SPAG16: variants seen among roughly 807,000 people sequenced by gnomAD.
SPAG16 encodes the protein sperm associated antigen 16, also known as sperm-associated antigen 16 protein.
SPAG16 carries 86 observed loss-of-function variants against 80.4 expected under a neutral mutation model. The ratio of observed to expected loss-of-function variants is 1.07; its 90% CI spans 0.90 to 1.28. The LOEUF is 1.28. SPAG16 is among the 50% of genes most tolerant of loss of function. The probability of loss-of-function intolerance (pLI) is 0.00; values close to 1 mark genes in which losing one functional copy is unlikely to be tolerated. For synonymous variants in SPAG16, 294 were observed against 265.9 expected (o/e 1.11, Z -1.03); for missense variants, 870 against 765.3 (o/e 1.14, Z -1.61).
Position 214,406,304 on chromosome 2 carries a change from GAA to G in SPAG16, c.1721-3833_1721-3832del, listed in dbSNP as rs570972871. On this transcript the variant is annotated intron_variant, in intron 15 of 15. Transcript: ENST00000331683. ...CAATAAAAATTAATGAAAATTGATT[GAA>G]AAGTTTTAAAAATTGTAGCTAGAAA... Among the ~76,000 whole-genome samples, 410 of 152,228 alleles carry G rather than the reference GAA, an allele frequency of 2.7e-3. 2 individuals carry two copies. The highest frequency in any genetic ancestry group is 9.2e-3 in the African/African-American group (382 of 41,534).
intron 5 of SPAG16, among the ~76,000 whole-genome samples, chr2:213,320,107 T>G (rs2063553067): frequency 6.6e-6 from 1 of 152,012 alleles, no homozygotes; most frequent in African/African-American, 2.4e-5. Flanking sequence ...CATGGTGTGC[T>G]TTCACAGCAC....
At chr2:213,976,129 T>TAC (rs1266561700) in intron 12 of SPAG16, among the ~76,000 whole-genome samples, 8 of 104,670 alleles carry the variant, frequency 7.6e-5, no homozygotes, top group African/African-American at 3.1e-4. Context: ...TATATATATA[T>TAC]ATATATACAC....
intron 9 of SPAG16, among the ~76,000 whole-genome samples, chr2:213,465,238 C>T (rs988647989): frequency 1.3e-5 from 2 of 152,160 alleles, no homozygotes; most frequent in African/African-American, 4.8e-5. Context: ...TACTTAGAAT[C>T]AGTATAAATG....
chr2:213,695,215 C>G (rs910163252), intron 10 of SPAG16, among the ~76,000 whole-genome samples: 3 of 152,148 alleles, frequency 2.0e-5, no homozygotes, highest in African/African-American at 7.2e-5. Flanking sequence ...TCATTCTACT[C>G]AAGCTCCGAC....
At chr2:213,909,380 A>G (rs910505529) in intron 11 of SPAG16, among the ~76,000 whole-genome samples, 15 of 152,200 alleles carry the variant, frequency 9.9e-5, no homozygotes, top group African/African-American at 3.1e-4. Flanking sequence ...AAACTACTTT[A>G]AAGTTCATAT....
chr2:214,342,674 T>G (rs758873507), intron 15 of SPAG16, among the ~76,000 whole-genome samples: 7 of 152,140 alleles, frequency 4.6e-5, no homozygotes, highest in Non-Finnish European at 1.0e-4. Flanking sequence ...ATAAATGTAA[T>G]GTGCTTGAAT....
intron 15 of SPAG16, among the ~76,000 whole-genome samples, chr2:214,396,253 G>A (rs6435824): frequency 0.86 from 131,296 of 151,848 alleles, 56,839 homozygotes; most frequent in Middle Eastern, 0.89. Context: ...TTGGCTTTTT[G>A]TTGTTTATTT....
At chr2:214,075,300 A>C (rs531946202) in intron 13 of SPAG16, among the ~76,000 whole-genome samples, 3 of 152,182 alleles carry the variant, frequency 2.0e-5, no homozygotes, top group Non-Finnish European at 4.4e-5. Flanking sequence ...CATACCCAAA[A>C]GTCAAAGATG....
Position 214,410,352 on chromosome 2 carries a change from A to C in SPAG16, c.*37A>C, listed in dbSNP as rs757918128. ...TCCCGCTGCAGAGGGCATTCCCTTT[A>C]AGGCTTGAAAATGCCTCCTGTAGTC... On this transcript the variant is annotated 3_prime_UTR_variant, in exon 16 of 16. Coordinates refer to ENST00000331683, the MANE Select transcript of SPAG16 (RefSeq NM_024532.5). The C allele has an allele frequency of 1.6e-5, 25 of 1,546,302 alleles. No individual in the cohort carries two copies. Among genetic ancestry groups the C allele is most frequent in the Non-Finnish European group, 2.1e-5 (24 of 1,138,382 alleles).
At chr2:213,359,658 C>T (rs907058027) in intron 7 of SPAG16, among the ~76,000 whole-genome samples, 7 of 152,192 alleles carry the variant, frequency 4.6e-5, no homozygotes, top group African/African-American at 1.2e-4. Context: ...AGAAGTGCCT[C>T]GTTTTTCCAG....
Position 213,908,778 on chromosome 2 carries a change from T to A in SPAG16, c.1215-21182T>A, listed in dbSNP as rs190800357. Among the ~76,000 whole-genome samples the A allele has an allele frequency of 6.1e-3, 931 of 152,132 alleles. 16 individuals carry two copies. Among genetic ancestry groups the A allele is most frequent in the East Asian group, 0.044 (230 of 5,184 alleles). On this transcript the variant is annotated intron_variant, in intron 11 of 15. Coordinates refer to ENST00000331683, the MANE Select transcript of SPAG16 (RefSeq NM_024532.5). Reference sequence around the variant, plus strand: ...TTTTTGTCTTTTTTTTTCCTTTTTTTAATTATTATTATACTTTAAGTTTTA... The same window carrying A: ...TTTTTGTCTTTTTTTTTCCTTTTTTAAATTATTATTATACTTTAAGTTTTA...
intron 10 of SPAG16, among the ~76,000 whole-genome samples, chr2:213,736,665 T>C (rs1004606946): frequency 6.6e-6 from 1 of 151,952 alleles, no homozygotes; most frequent in African/African-American, 2.4e-5. Flanking sequence ...TCCAAGCATA[T>C]AGAAATTAAT....
chr2:214,356,991 A>G (rs1698854255), intron 15 of SPAG16, among the ~76,000 whole-genome samples: 1 of 151,854 alleles, frequency 6.6e-6, no homozygotes, highest in Non-Finnish European at 1.5e-5. Context: ...TATTGTCTTC[A>G]AAGTCTTATT....
intron 15 of SPAG16, among the ~76,000 whole-genome samples, chr2:214,193,884 A>T (rs17816476): frequency 6.6e-6 from 1 of 151,946 alleles, no homozygotes; most frequent in Non-Finnish European, 1.5e-5. Flanking sequence ...TCTGTGTAAA[A>T]AAGTAGATCA....
chr2:213,483,366 C>G lies in SPAG16; in HGVS notation c.943-6597C>G, dbSNP rs1010168842. On this transcript the variant is annotated intron_variant, in intron 9 of 15. Transcript: ENST00000331683. Reference sequence around the variant, plus strand: ...TGGTCATTATTTAACATAATTGATACATATTGCCAAATTTCTTTCTAGAAA... The same window carrying G: ...TGGTCATTATTTAACATAATTGATAGATATTGCCAAATTTCTTTCTAGAAA... Among the ~76,000 whole-genome samples the G allele has an allele frequency of 3.3e-5, 5 of 152,270 alleles. No homozygotes were observed. The East Asian group carries it at 7.7e-4, about 23-fold the overall frequency.
chr2:213,465,211 C>T (rs1029688517), intron 9 of SPAG16, among the ~76,000 whole-genome samples: 3 of 152,102 alleles, frequency 2.0e-5, no homozygotes, highest in South Asian at 2.1e-4. Context: ...GCATGGGCAT[C>T]GAGGATTGCA....
At chr2:213,626,618 A>G (rs1469162127) in intron 10 of SPAG16, among the ~76,000 whole-genome samples, 1 of 150,752 alleles carries the variant, frequency 6.6e-6, no homozygotes. Context: ...ATGACACACT[A>G]GATATTATTA....
chr2:213,345,647 C>T (rs2064937078), intron 6 of SPAG16, among the ~76,000 whole-genome samples: 2 of 139,280 alleles, frequency 1.4e-5, no homozygotes, highest in African/African-American at 5.4e-5. Flanking sequence ...AATCCTTTCC[C>T]CATTGCTTGT....
intron 15 of SPAG16, among the ~76,000 whole-genome samples, chr2:214,366,701 C>G (rs1283559027): frequency 6.6e-6 from 1 of 152,142 alleles, no homozygotes; most frequent in East Asian, 1.9e-4. Context: ...CCTGAATGAG[C>G]TTCTAATCAT....
Sources: gnomAD v4.1 joint callset for allele counts (sites outside exome capture counted in the v4.1 genomes callset) on GRCh38, gnomAD v4.1.1 for gene constraint, MANE v1.5 for transcripts, NCBI Gene and HGNC (gene_info 2026-07-23, HGNC 2026-07-21) for gene names.